Variants in MPP7 observed in about 807,000 individuals in gnomAD.
MPP7 encodes the protein MAGUK p55 subfamily member 7.
A neutral mutation model predicts 76.5 loss-of-function variants in MPP7; 60 were observed. That is an observed-to-expected ratio of 0.78 (90% confidence interval 0.64 to 0.97). MPP7 has a LOEUF of 0.97. Among genes scored for constraint, MPP7 ranks in the 50% least tolerant of loss-of-function variants. The pLI is 0.00. For missense variants in MPP7, 641 were observed against 694.0 expected, an observed-to-expected ratio of 0.92 and a Z score of 0.86; for synonymous variants, 237 against 244.5, an observed-to-expected ratio of 0.97 and a Z score of 0.29.
At chr10:28,131,860 A>T (rs1835204910) in intron 5 of MPP7, among the ~76,000 whole-genome samples, 169 bp from the exon 6 acceptor site, 1 of 152,162 alleles carries the variant, frequency 6.6e-6, no homozygotes, top group South Asian at 2.1e-4. Context: ...TCCTCTTACA[A>T]ATGGAATGGG....
rs370360330 is a variant in MPP7, at chr10:28,107,339, G to A, written c.952+12312C>T. Reference sequence around the variant, plus strand: ...TTCTCTGAATCACAGCATTTTATGTGACAGTCATCAGATAGTGCTTTATGC... The same window carrying A: ...TTCTCTGAATCACAGCATTTTATGTAACAGTCATCAGATAGTGCTTTATGC... On this transcript the variant is annotated intron_variant, in intron 11 of 16. Coordinates refer to ENST00000683449, the MANE Select transcript of MPP7 (RefSeq NM_001318170.2). Among the ~76,000 whole-genome samples, 205 of 152,232 alleles carry A rather than the reference G, an allele frequency of 1.3e-3. 3 individuals carry two copies. Among genetic ancestry groups the A allele is most frequent in the African/African-American group, 4.6e-3 (192 of 41,532 alleles).
chr10:28,291,430 C>T (rs745339577), intron 1 of MPP7, among the ~76,000 whole-genome samples: 42 of 152,082 alleles, frequency 2.8e-4, no homozygotes, highest in Non-Finnish European at 4.1e-4. Context: ...ACATGGCAAA[C>T]GCCGTCTATA....
rs78529478 is a variant in MPP7 at position 28,325,785 on chromosome 10, C to T, written c.-132+4144G>A. Among the ~76,000 whole-genome samples the T allele has an allele frequency of 2.4e-3, 362 of 152,046 alleles. 2 individuals are homozygous for T. Among genetic ancestry groups the T allele is most frequent in the African/African-American group, 8.3e-3 (346 of 41,502 alleles). ...CTGGGATTACAGGCATGAGCCACCGCGCCTGGCCGCAAGACCACATTTCTA... is the reference window on the plus strand; with the variant it reads ...CTGGGATTACAGGCATGAGCCACCGTGCCTGGCCGCAAGACCACATTTCTA... On this transcript the variant is annotated intron_variant, in intron 2 of 11. Coordinates refer to the MPP7 transcript ENST00000441595.
intron 3 of MPP7, among the ~76,000 whole-genome samples, chr10:28,154,905 T>C (rs1426093725): frequency 6.6e-6 from 1 of 152,234 alleles, no homozygotes; most frequent in East Asian, 1.9e-4. Flanking sequence ...AGTAATTGTT[T>C]TTTTTTTCCA....
At chr10:28,122,966 TG>T (rs1318619185) in intron 8 of MPP7, among the ~76,000 whole-genome samples, 1 of 149,524 alleles carries the variant, frequency 6.7e-6, no homozygotes, top group Non-Finnish European at 1.5e-5. Context: ...GTGCAATTTT[TG>T]TTTTTTTTGC....
chr10:28,131,739 A>T, intron 5 of MPP7, 48 bp from the exon 6 acceptor site: 2 of 1,024,614 alleles, frequency 2.0e-6, no homozygotes, highest in Non-Finnish European at 2.6e-6. Context: ...ACATACTTAT[A>T]TATTATATGT....
chr10:28,211,117 T>A (rs1490400104), intron 2 of MPP7, among the ~76,000 whole-genome samples: 1 of 151,986 alleles, frequency 6.6e-6, no homozygotes, highest in Non-Finnish European at 1.5e-5. Context: ...CTTTTTTTTT[T>A]AGATGAGGTC....
chr10:28,278,841 A>C (rs942288796), intron 1 of MPP7, among the ~76,000 whole-genome samples: 63 of 151,714 alleles, frequency 4.2e-4, no homozygotes, highest in South Asian at 6.2e-4. Flanking sequence ...AAAAAAAAAA[A>C]CACCAAAATG....
intron 5 of MPP7, among the ~76,000 whole-genome samples, chr10:28,132,026 G>A (rs937392327): frequency 3.9e-5 from 6 of 152,132 alleles, no homozygotes; most frequent in Non-Finnish European, 8.8e-5. Flanking sequence ...GGGCAAGAGT[G>A]CGGGGGATGT....
chr10:28,270,352 A>C (rs1228760013), intron 1 of MPP7, among the ~76,000 whole-genome samples: 2 of 152,008 alleles, frequency 1.3e-5, no homozygotes, highest in African/African-American at 2.4e-5. Context: ...AGCAGTTCAG[A>C]AGCTTTAAAT....
intron 13 of MPP7, among the ~76,000 whole-genome samples, chr10:28,061,066 C>G (rs11006818): frequency 0.12 from 18,911 of 151,908 alleles, 1,822 homozygotes; most frequent in East Asian, 0.51. Flanking sequence ...AACATTCTCC[C>G]GAATATGGTA....
chr10:28,128,970 T>C (rs956704593), intron 6 of MPP7, among the ~76,000 whole-genome samples: 86 of 152,332 alleles, frequency 5.6e-4, no homozygotes, highest in African/African-American at 2.0e-3. Context: ...GATAGAATCT[T>C]CTTGCTATCC....
intron 3 of MPP7, among the ~76,000 whole-genome samples, chr10:28,193,746 A>C (rs1837488461): frequency 6.6e-6 from 1 of 152,202 alleles, no homozygotes; most frequent in African/African-American, 2.4e-5. Context: ...AAATAAGCAA[A>C]AAATCTGAAT....
chr10:28,148,548 T>G (rs1246694449), intron 4 of MPP7, among the ~76,000 whole-genome samples: 2 of 152,176 alleles, frequency 1.3e-5, no homozygotes, highest in East Asian at 3.8e-4. Context: ...GGGCATAATA[T>G]AAATTGTACA....
chr10:28,262,244 C>CGT (rs1840004337), intron 1 of MPP7, among the ~76,000 whole-genome samples: 1 of 36,400 alleles, frequency 2.7e-5, no homozygotes, highest in Non-Finnish European at 4.1e-5. Flanking sequence ...TATATATATA[C>CGT]ATATATATAT....
chr10:28,260,193 C>T (rs1204660145), intron 1 of MPP7, among the ~76,000 whole-genome samples: 2 of 152,130 alleles, frequency 1.3e-5, no homozygotes, highest in Non-Finnish European at 2.9e-5. Context: ...GAGTCCATCC[C>T]TCTTTCTACT....
intron 1 of MPP7, among the ~76,000 whole-genome samples, chr10:28,239,520 C>A (rs1839196854): frequency 6.6e-6 from 1 of 152,082 alleles, no homozygotes; most frequent in African/African-American, 2.4e-5. Flanking sequence ...TGCAACTAAC[C>A]TTGAAGGAAT....
chr10:28,320,840 T>TTTTTG (rs1554870623), intron 2 of MPP7, among the ~76,000 whole-genome samples: 2 of 152,188 alleles, frequency 1.3e-5, no homozygotes, highest in African/African-American at 4.8e-5. Flanking sequence ...TTGTTTTTTT[T>TTTTTG]TTGTTCCTCT....
intron 12 of MPP7, among the ~76,000 whole-genome samples, chr10:28,081,172 C>T (rs1230298382): frequency 2.0e-5 from 3 of 152,186 alleles, no homozygotes; most frequent in Non-Finnish European, 2.9e-5. Flanking sequence ...CTTGTACCTC[C>T]CAGCCAGACA....
Sources: allele counts gnomAD v4.1 joint callset (sites outside exome capture counted in the v4.1 genomes callset), GRCh38; gene constraint gnomAD v4.1.1; transcripts MANE v1.5; gene names NCBI Gene and HGNC (gene_info 2026-07-23, HGNC 2026-07-21).